Variants in GARNL3 observed in about 807,000 individuals in gnomAD.
GARNL3 encodes the protein GTPase activating Rap/RanGAP domain like 3, also known as GTPase-activating Rap/Ran-GAP domain-like protein 3.
A neutral mutation model predicts 125.0 loss-of-function variants in GARNL3; 63 were observed. The ratio of observed to expected loss-of-function variants is 0.50; its 90% CI spans 0.41 to 0.62. GARNL3 has a LOEUF of 0.62. Ranked by LOEUF, GARNL3 falls within the 20% of genes least tolerant of loss-of-function variation. GARNL3 has a pLI of 0.00. For missense variants in GARNL3, 994 were observed against 1,244.0 expected, an observed-to-expected ratio of 0.80 and a Z score of 3.02; for synonymous variants, 439 against 457.5, an observed-to-expected ratio of 0.96 and a Z score of 0.52.
intron 1 of GARNL3, among the ~76,000 whole-genome samples, chr9:127,284,490 T>G (rs762616514): frequency 3.9e-5 from 6 of 152,132 alleles, no homozygotes; most frequent in Non-Finnish European, 8.8e-5. Flanking sequence ...GTTTTATAAT[T>G]TCTGCTCTGA....
chr9:127,337,424 A>G (rs990427294), intron 11 of GARNL3, among the ~76,000 whole-genome samples: 4 of 152,180 alleles, frequency 2.6e-5, no homozygotes, highest in African/African-American at 7.2e-5. Context: ...ATTAAGGCAG[A>G]TTCATTCCAG....
Position 127,393,414 on chromosome 9 carries a change from G to A in GARNL3, c.*160G>A, listed in dbSNP as rs1381519656. On this transcript the variant is annotated 3_prime_UTR_variant, in exon 28 of 28. Transcript: ENST00000373387. ...TCGGCCAGTTCCCTCTCCAATGTCC[G>A]GTGCCATCTTTCCTGACCTTTGTTT... 1.1e-5 allele frequency: 6 copies of A among 527,280 alleles called. No homozygotes were observed. The highest frequency in any genetic ancestry group is 6.3e-5 in the Admixed American group (2 of 31,832). The allele number at this position is 527,280 out of a possible 1,614,324, so 32.7% of individuals were successfully genotyped here.
In GARNL3 at chr9:127,385,187, C is replaced by G. The variant is rs765337233; in HGVS notation, c.2388+42C>G. The G allele has an allele frequency of 3.1e-6, 4 of 1,271,836 alleles. No individual in the cohort carries two copies. Among genetic ancestry groups the G allele is most frequent in the Non-Finnish European group, 4.4e-6 (4 of 902,754 alleles). 78.8% of individuals were successfully genotyped at this position (1,271,836 alleles called of 1,614,324 possible). A position where few individuals can be genotyped will look rare whatever the true frequency, so the allele number is the denominator to read the frequency against. On this transcript the variant is annotated intron_variant, in intron 24 of 27. Coordinates refer to ENST00000373387, the MANE Select transcript of GARNL3 (RefSeq NM_032293.5). This position sits in a 1 kb window ranked among gnomAD's most constrained non-coding sequence, Gnocchi z 4.1. ...TTTTATCTCTGAGTGGTTTGGGGGA[C>G]CCCGGCACTGTGGGATTTCAGGTGA... is the stretch of plus-strand genomic sequence containing the variant.
intron 17 of GARNL3, among the ~76,000 whole-genome samples, chr9:127,350,466 T>C (rs1262418212): frequency 6.6e-6 from 1 of 152,118 alleles, no homozygotes; most frequent in Non-Finnish European, 1.5e-5. Context: ...TATGTCTCTA[T>C]GAACTTGCTA....
intron 1 of GARNL3, among the ~76,000 whole-genome samples, chr9:127,233,183 C>G (rs1448393149): frequency 6.6e-6 from 1 of 152,240 alleles, no homozygotes; most frequent in African/African-American, 2.4e-5. Flanking sequence ...GATCATGCCA[C>G]TGCACTCCAG....
chr9:127,360,703 T>TC (rs577034486), intron 21 of GARNL3, among the ~76,000 whole-genome samples: 1 of 152,162 alleles, frequency 6.6e-6, no homozygotes, highest in Non-Finnish European at 1.5e-5. Flanking sequence ...TTCCATTCCG[T>TC]CTACATTCGC....
At chr9:127,358,966 T>TGG (rs141487627) in intron 21 of GARNL3, among the ~76,000 whole-genome samples, 15 of 151,922 alleles carry the variant, frequency 9.9e-5, no homozygotes, top group Non-Finnish European at 2.1e-4. Flanking sequence ...TATCAGAATC[T>TGG]GGGGGGGTGT....
rs937419342 is a variant in GARNL3, at chr9:127,266,256, G to A, written c.144+1235G>A. 2.6e-4 allele frequency among the ~76,000 whole-genome samples: 40 copies of A among 152,298 alleles called. No homozygotes were observed. Among genetic ancestry groups the A allele is most frequent in the African/African-American group, 9.1e-4 (38 of 41,564 alleles). On this transcript the variant is annotated intron_variant, in intron 1 of 27. Transcript: ENST00000373387. The surrounding 1 kb of genome is among the most constrained non-coding windows in gnomAD (Gnocchi z 4.0). The stretch of plus-strand genomic sequence containing the variant: ...GAGAAGGAAGGGATCACCCATTCTG[G>A]CCAGGGGTCTCAGAGACACACCATG...
intron 21 of GARNL3, among the ~76,000 whole-genome samples, chr9:127,357,783 A>T (rs79949824): frequency 3.3e-5 from 1 of 30,150 alleles, no homozygotes; most frequent in Non-Finnish European, 7.8e-5. Flanking sequence ...ATTTAAAATT[A>T]AAAAAAAAAA....
intron 20 of GARNL3, 77 bp downstream of exon 20, chr9:127,355,549 G>T: frequency 7.2e-7 from 1 of 1,388,138 alleles, no homozygotes; most frequent in Admixed American, 1.7e-5. Flanking sequence ...CCCAGAGTTT[G>T]TTACCCACTG....
At chr9:127,339,080 G>C (rs1379992266) in intron 12 of GARNL3, among the ~76,000 whole-genome samples, 1 of 152,066 alleles carries the variant, frequency 6.6e-6, no homozygotes, top group Admixed American at 6.6e-5. Context: ...GGCGGATCAC[G>C]AGGTCAGGAG....
Position 127,318,681 on chromosome 9 carries a change from A to G in GARNL3, c.503+554A>G, listed in dbSNP as rs112142868. 4.9e-3 allele frequency among the ~76,000 whole-genome samples: 739 copies of G among 150,750 alleles called. 5 individuals are homozygous for G. The highest frequency in any genetic ancestry group is 0.017 in the African/African-American group (678 of 41,072). On this transcript the variant is annotated intron_variant, in intron 5 of 27. Transcript: ENST00000373387. ...GCCCCCACCCTCCCACCTCCCTCTC[A>G]TCTCTCTCCCATGCTTAGGTGGCAG...
In GARNL3 at chr9:127,335,349, CAA is replaced by C. The variant is rs1829490359; in HGVS notation, c.873+18_873+19del. ...CAAACAGCAGGTACATGTGAACATA[CAA>C]ACCATCAAATAGTGATGTGAATGTG... On this transcript the variant is annotated intron_variant, in intron 10 of 27. Transcript: ENST00000373387. 6.5e-7 allele frequency: 1 copy of C among 1,530,378 alleles called. No homozygotes were observed. Among genetic ancestry groups the C allele is most frequent in the Non-Finnish European group, 9.1e-7 (1 of 1,103,648 alleles). 94.8% of individuals were successfully genotyped at this position (1,530,378 alleles called of 1,614,324 possible). A position where few individuals can be genotyped will look rare whatever the true frequency, so the allele number is the denominator to read the frequency against.
At chr9:127,246,931 CTTTTTTTTTT>C (rs35410163) in intron 2 of GARNL3, among the ~76,000 whole-genome samples, 3 of 99,268 alleles carry the variant, frequency 3.0e-5, no homozygotes, top group African/African-American at 7.7e-5. Flanking sequence ...GACCTTCCTT[CTTTTTTTTTT>C]TTTTTTTTTT....
At chr9:127,277,134 C>T (rs927086445) in intron 1 of GARNL3, among the ~76,000 whole-genome samples, 16 of 152,166 alleles carry the variant, frequency 1.1e-4, no homozygotes, top group African/African-American at 2.7e-4. Flanking sequence ...GTTTAAAACC[C>T]GTGTTCTGAT....
rs2063221608 is a variant in GARNL3 at position 127,242,505 on chromosome 9, G to A, written c.-28-574G>A. On this transcript the variant is annotated intron_variant, in intron 1 of 10. Transcript: ENST00000439286. This position sits in a 1 kb window ranked among gnomAD's most constrained non-coding sequence, Gnocchi z 4.6. ...ACACATCTCAGGAATGCATTTCTCA[G>A]TTTATTCCCATGAACAAGCCATTTA... Among the ~76,000 whole-genome samples, 1 of 152,174 alleles carries A rather than the reference G, an allele frequency of 6.6e-6. No individual in the cohort carries two copies. Among genetic ancestry groups the A allele is most frequent in the South Asian group, 2.1e-4 (1 of 4,834 alleles).
At chr9:127,317,450 C>T (rs1043140235) in intron 4 of GARNL3, among the ~76,000 whole-genome samples, 4 of 152,102 alleles carry the variant, frequency 2.6e-5, no homozygotes, top group Admixed American at 2.6e-4. Flanking sequence ...CCCAGCCGGG[C>T]GTGGTGGCTC....
intron 5 of GARNL3, 107 bp from the exon 6 acceptor site, chr9:127,320,608 T>C: frequency 1.4e-6 from 1 of 704,556 alleles, no homozygotes; most frequent in Non-Finnish European, 2.5e-6. Context: ...ATTTGTTGAT[T>C]TGTATCTTCT....
At chr9:127,336,446 A>G (rs2131588414) in intron 11 of GARNL3, among the ~76,000 whole-genome samples, 1 of 152,328 alleles carries the variant, frequency 6.6e-6, no homozygotes, top group South Asian at 2.1e-4. Flanking sequence ...TTCTCAGAGA[A>G]TTCTTGACTC....
Sources: allele counts gnomAD v4.1 joint callset (sites outside exome capture counted in the v4.1 genomes callset), GRCh38; gene constraint gnomAD v4.1.1; non-coding constraint Gnocchi (gnomAD v3.1); transcripts MANE v1.5; gene names NCBI Gene and HGNC (gene_info 2026-07-23, HGNC 2026-07-21).